KCNG4: variants seen among roughly 807,000 people sequenced by gnomAD.
KCNG4 encodes the protein potassium voltage-gated channel modifier subfamily G member 4.
A neutral mutation model predicts 28.2 loss-of-function variants in KCNG4; 30 were observed. The observed-to-expected ratio is 1.06, with a 90% CI of 0.80 to 1.44. The LOEUF (loss-of-function observed/expected upper bound fraction) is 1.44, where lower values mean the gene tolerates loss of function less well. KCNG4 is among the 40% of genes most tolerant of loss of function. KCNG4 has a pLI of 0.00. For synonymous variants in KCNG4, 375 were observed against 315.5 expected (o/e 1.19, Z -2.00); for missense variants, 879 against 712.3 (o/e 1.23, Z -2.66).
At position 84,223,131 on chromosome 16, in the gene KCNG4, A is replaced by C. The variant is rs938478744; in HGVS notation, c.757-111T>G. The C allele has an allele frequency of 3.6e-6, 3 of 832,978 alleles. No individual in the cohort carries two copies. In the African/African-American group the frequency reaches 5.2e-5, roughly 14 times the overall value. 51.6% of individuals were successfully genotyped at this position (832,978 alleles called of 1,614,324 possible). A position where few individuals can be genotyped will look rare whatever the true frequency, so the allele number is the denominator to read the frequency against. On this transcript the variant is annotated intron_variant, in intron 2 of 2. Coordinates refer to ENST00000308251, the MANE Select transcript of KCNG4 (RefSeq NM_172347.3). ...CTTTGTGCTGTAAACTTAGTCGTCC[A>C]CCAGAACCTCCTTTTACACAGTTTT...
At chr16:84,233,051 C>A (rs1904863414) in intron 2 of KCNG4, among the ~76,000 whole-genome samples, 1 of 152,140 alleles carries the variant, frequency 6.6e-6, no homozygotes, top group East Asian at 1.9e-4. Flanking sequence ...TGTTTGGTTT[C>A]CTGTTAACTA....
In KCNG4 at chr16:84,237,010, C is replaced by G; in HGVS notation, c.476G>C (p.Arg159Thr). 2 of 1,613,870 alleles carry G rather than the reference C, an allele frequency of 1.2e-6. No homozygotes were observed. Among genetic ancestry groups the G allele is most frequent in the East Asian group, 2.2e-5 (1 of 44,870 alleles). ...YWGIEEAHLERCCLRKLLRKL... is the reference protein window; with the variant it reads ...YWGIEEAHLETCCLRKLLRKL... Reference sequence around the variant, plus strand: ...CCTCAGCAGCTTCCGCAGGCAGCACCTCTCCAGGTGGGCCTCCTCGATGCC... The same window carrying G: ...CCTCAGCAGCTTCCGCAGGCAGCACGTCTCCAGGTGGGCCTCCTCGATGCC... Residue 159 changes from arginine (R) to threonine (T), a missense_variant, in exon 2 of 3, where the codon AGG becomes ACG. Arg to Thr is a moderately conservative substitution (Grantham distance 71). Transcript: ENST00000308251.
Position 84,236,976 on chromosome 16 carries a change from C to T in KCNG4, c.510G>A (p.Glu170=). 1 of 1,613,848 alleles carries T rather than the reference C, an allele frequency of 6.2e-7. No homozygotes were observed. Among genetic ancestry groups the T allele is most frequent in the South Asian group, 1.1e-5 (1 of 91,084 alleles). Residue 170 remains glutamate (E), a synonymous_variant, in exon 2 of 3, where the codon GAG becomes GAA. Transcript: ENST00000308251. ...CCLRKLLRKL[E]ELEELAKLHR... ...GCAGCTTGGCCAGCTCCTCCAGCTC[C>T]TCCAGCTTCCTCAGCAGCTTCCGCA...
In KCNG4 at chr16:84,222,795, A is replaced by G. The variant is rs1430009967; in HGVS notation, c.982T>C (p.Tyr328His). The change falls in exon 3 of 3, where the codon TAC becomes CAC. Residue 328 changes from tyrosine to histidine, a missense_variant. Coordinates refer to ENST00000308251, the MANE Select transcript of KCNG4 (RefSeq NM_172347.3). ...AGGACCAGCCCCACCTTCTCCAGGT[A>G]GGAGCTCCCGCTCGGCCTCTCGCCG... ...EDGERPSGSS[Y>H]LEKVGLVLRV... The G allele has an allele frequency of 1.2e-6, 2 of 1,610,430 alleles. No homozygotes were observed. Among genetic ancestry groups the G allele is most frequent in the Admixed American group, 1.7e-5 (1 of 59,830 alleles).
At chr16:84,230,815 G>C (rs1372716936) in intron 2 of KCNG4, among the ~76,000 whole-genome samples, 1 of 152,364 alleles carries the variant, frequency 6.6e-6, no homozygotes, top group East Asian at 1.9e-4. Context: ...AATGCTGTGG[G>C]GCAGGCGTAG....
At chr16:84,230,380 G>A (rs1904798592) in intron 2 of KCNG4, among the ~76,000 whole-genome samples, 1 of 143,004 alleles carries the variant, frequency 7.0e-6, no homozygotes, top group East Asian at 2.0e-4. Flanking sequence ...ACTCCAGCCT[G>A]GGTGACAGTG....
At position 84,223,050 on chromosome 16, in the gene KCNG4, TAG is replaced by T. The variant is rs1384926590; in HGVS notation, c.757-32_757-31del. Reference sequence around the variant, plus strand: ...GGGGAGAAGAGGCAACAACGCGGGGTAGAGAGTGGACTTGCAACTGTGCTGGA... The same window carrying T: ...GGGGAGAAGAGGCAACAACGCGGGGTAGAGTGGACTTGCAACTGTGCTGGA... On this transcript the variant is annotated intron_variant, in intron 2 of 2. Coordinates refer to ENST00000308251, the MANE Select transcript of KCNG4 (RefSeq NM_172347.3). 10 of 1,493,972 alleles carry T rather than the reference TAG, an allele frequency of 6.7e-6. No individual in the cohort carries two copies. The African/African-American group carries it at 8.4e-5, about 13-fold the overall frequency. 92.5% of individuals were successfully genotyped at this position (1,493,972 alleles called of 1,614,324 possible).
rs1444683956 is a variant in KCNG4 at position 84,222,858 on chromosome 16, A to G, written c.919T>C (p.Tyr307His). The G allele has an allele frequency of 6.2e-7, 1 of 1,612,398 alleles. No homozygotes were observed. Among genetic ancestry groups the G allele is most frequent in the Admixed American group, 1.7e-5 (1 of 59,926 alleles). Residue 307 changes from tyrosine (Y) to histidine (H), a missense_variant, in exon 3 of 3, where the codon TAC (tyrosine) becomes CAC (histidine). Transcript: ENST00000308251. ...IIDILAISPY[Y>H]VSLAVSEEPP... Reference sequence around the variant, plus strand: ...TCCTCAGACACCGCCAGCGACACGTAGTATGGGGAGATGGCCAGGATGTCG... The same window carrying G: ...TCCTCAGACACCGCCAGCGACACGTGGTATGGGGAGATGGCCAGGATGTCG...
In KCNG4 at chr16:84,225,354, A is replaced by G. The variant is rs116416794; in HGVS notation, c.757-2334T>C. Among the ~76,000 whole-genome samples the G allele has an allele frequency of 2.1e-3, 324 of 152,324 alleles. 2 individuals are homozygous for G. The highest frequency in any genetic ancestry group is 7.4e-3 in the African/African-American group (307 of 41,574). On this transcript the variant is annotated intron_variant, in intron 2 of 2. Transcript: ENST00000308251. ...GGCCCTCTCTGTGCTTCAGTTTCCA[A>G]TGCAGAGTTTGGAACAGAATTGGTA...
chr16:84,220,064 A>T lies in KCNG4; in HGVS notation c.*2153T>A, dbSNP rs1007473406. 1 of 152,062 alleles carries T rather than the reference A, an allele frequency of 6.6e-6. No individual in the cohort carries two copies. Among genetic ancestry groups the T allele is most frequent in the African/African-American group, 2.4e-5 (1 of 41,412 alleles). 9.4% of individuals were successfully genotyped at this position (152,062 alleles called of 1,614,324 possible). On this transcript the variant is annotated 3_prime_UTR_variant, in exon 3 of 3. Coordinates refer to ENST00000308251, the MANE Select transcript of KCNG4 (RefSeq NM_172347.3). ...GCGGACAGAGAGAGACTCTGTCAAT[A>T]AATAAATAAATAAATAAGTAATAAA... is the stretch of plus-strand genomic sequence containing the variant.
chr16:84,224,876 G>GC (rs954653963), intron 2 of KCNG4, among the ~76,000 whole-genome samples: 39 of 152,140 alleles, frequency 2.6e-4, no homozygotes, highest in African/African-American at 8.7e-4. Context: ...CAGCCTTCAA[G>GC]CCCCCCAGAA....
intron 2 of KCNG4, chr16:84,236,315 T>C (rs181852880): frequency 3.5e-5 from 9 of 256,502 alleles, no homozygotes; most frequent in Admixed American, 1.5e-4. Flanking sequence ...TAAACACATG[T>C]TGAGTTCACT....
intron 2 of KCNG4, among the ~76,000 whole-genome samples, chr16:84,223,697 T>A (rs762335553): frequency 3.9e-5 from 6 of 152,092 alleles, no homozygotes; most frequent in Admixed American, 2.0e-4. Flanking sequence ...CTCACATACA[T>A]AGGAGGCGGT....
At chr16:84,238,728 C>T (rs894023974) in intron 1 of KCNG4, among the ~76,000 whole-genome samples, 2 of 152,104 alleles carry the variant, frequency 1.3e-5, no homozygotes, top group Non-Finnish European at 2.9e-5. Flanking sequence ...ATTAGCTAGG[C>T]AAGGTGGCAT....
Position 84,222,788 on chromosome 16 carries a change from T to C in KCNG4, c.989A>G (p.Glu330Gly), listed in dbSNP as rs762123846. 3.1e-6 allele frequency: 5 copies of C among 1,610,490 alleles called. No individual in the cohort carries two copies. The African/African-American group carries it at 4.0e-5, about 13-fold the overall frequency. ...GERPSGSSYLEKVGLVLRVLR... is the reference protein window; with the variant it reads ...GERPSGSSYLGKVGLVLRVLR... ...CACACGCAGGACCAGCCCCACCTTC[T>C]CCAGGTAGGAGCTCCCGCTCGGCCT... Residue 330 changes from glutamate to glycine, a missense_variant, in exon 3 of 3, where the codon GAG (glutamate) becomes GGG (glycine). Glu to Gly is a moderately conservative substitution (Grantham distance 98). Coordinates refer to ENST00000308251, the MANE Select transcript of KCNG4 (RefSeq NM_172347.3).
chr16:84,232,484 A>C (rs1019960226), intron 2 of KCNG4, among the ~76,000 whole-genome samples: 2 of 152,198 alleles, frequency 1.3e-5, no homozygotes, highest in African/African-American at 4.8e-5. Flanking sequence ...AATGCTGAGA[A>C]AAAGCTTTGG....
chr16:84,229,558 G>A (rs1379215153), intron 2 of KCNG4, among the ~76,000 whole-genome samples: 1 of 152,246 alleles, frequency 6.6e-6, no homozygotes, highest in African/African-American at 2.4e-5. Flanking sequence ...CCTCTGTGCT[G>A]GTGTCCCGTC....
At position 84,222,664 on chromosome 16, in the gene KCNG4, G is replaced by A. The variant is rs774390689; in HGVS notation, c.1113C>T (p.Phe371=). The A allele has an allele frequency of 2.9e-5, 46 of 1,613,100 alleles. No individual in the cohort carries two copies. Among genetic ancestry groups the A allele is most frequent in the Non-Finnish European group, 2.8e-5 (33 of 1,179,900 alleles). The change falls in exon 3 of 3, where the codon TTC becomes TTT. Residue 371 remains phenylalanine (F), a synonymous_variant. Transcript: ENST00000308251. ...GLTVRRCTRE[F]GLLLLFLAVA... is the part of the protein sequence containing the mutation. ...CGGCCAGGAAGAGAAGGAGCAGGCC[G>A]AACTCACGTGTGCAACGGCGCACGG...
At chr16:84,225,248 G>C (rs139742712) in intron 2 of KCNG4, among the ~76,000 whole-genome samples, 157 of 151,718 alleles carry the variant, frequency 1.0e-3, no homozygotes, top group African/African-American at 3.7e-3. Flanking sequence ...TTTGCTTCAG[G>C]ATCCTGAAGG....
Sources: gnomAD v4.1 joint callset for allele counts (sites outside exome capture counted in the v4.1 genomes callset) on GRCh38, gnomAD v4.1.1 for gene constraint, MANE v1.5 for transcripts, NCBI Gene and HGNC (gene_info 2026-07-23, HGNC 2026-07-21) for gene names.